RANGAP1: variants seen among roughly 807,000 people sequenced by gnomAD.
RANGAP1 encodes the protein Ran GTPase activating protein 1.
RANGAP1 carries 38 observed loss-of-function variants against 63.5 expected under a neutral mutation model. The ratio of observed to expected loss-of-function variants is 0.60; its 90% CI spans 0.46 to 0.78. RANGAP1 has a LOEUF of 0.78. RANGAP1 is among the 30% of genes least tolerant of loss of function. RANGAP1 has a pLI of 0.00. For synonymous variants in RANGAP1, 329 were observed against 310.5 expected, an observed-to-expected ratio of 1.06 and a Z score of -0.63; for missense variants, 630 against 740.3, an observed-to-expected ratio of 0.85 and a Z score of 1.73.
rs1195834792 is a variant in RANGAP1 at position 41,245,193 on chromosome 22, T to C, written c.*1410A>G. On this transcript the variant is annotated 3_prime_UTR_variant, in exon 16 of 16. Coordinates refer to ENST00000356244, the MANE Select transcript of RANGAP1 (RefSeq NM_002883.4). ...TGGCCGACTGCCAATGAGAAAATAT[T>C]GCCCTCTAAGAAACCTTGGAGGGAC... Among the ~76,000 whole-genome samples the C allele has an allele frequency of 2.6e-5, 4 of 152,288 alleles. No homozygotes were observed. In the East Asian group the frequency reaches 7.7e-4, roughly 29 times the overall value.
At position 41,261,507 on chromosome 22, in the gene RANGAP1, A is replaced by G. The variant is rs188664388; in HGVS notation, c.554T>C (p.Phe185Ser). Residue 185 changes from phenylalanine to serine, a missense_variant, in exon 6 of 16, where the codon TTT becomes TCT. Around this residue, in one of 3 missense-constraint regions of RANGAP1, gnomAD observed 137 missense variants for 214.3 expected, o/e 0.64. Transcript: ENST00000356244. ...AQGKPLALKV[F>S]VAGRNRLEND... The stretch of plus-strand genomic sequence containing the variant: ...CTCCAGACGGTTTCTGCCAGCCACA[A>G]AGACCTTCAGGGCCAGAGGCTTGCC... 1.2e-6 allele frequency: 2 copies of G among 1,614,248 alleles called. No individual in the cohort carries two copies. The highest frequency in any genetic ancestry group is 3.3e-5 in the Admixed American group (2 of 60,026).
At position 41,252,925 on chromosome 22, in the gene RANGAP1, G is replaced by C; in HGVS notation, c.1327C>G (p.Pro443Ala). The C allele has an allele frequency of 6.4e-7, 1 of 1,565,624 alleles. No individual in the cohort carries two copies. The stretch of plus-strand genomic sequence containing the variant: ...GGCCCTAGGCGCAGCAGCTTCTCTG[G>C]AGAGGGAAAAGCCAGGAAGGTGGAG... ...DVSTFLAFPSPEKLLRLGPKS... is the reference protein window; with the variant it reads ...DVSTFLAFPSAEKLLRLGPKS... Residue 443 changes from proline to alanine, a missense_variant, in exon 12 of 16, where the codon CCA becomes GCA. Pro to Ala is a conservative substitution (Grantham distance 27). This residue lies in a region of RANGAP1 where 428 missense variants were observed against 465.5 expected (regional missense o/e 0.92). Coordinates refer to ENST00000356244, the MANE Select transcript of RANGAP1 (RefSeq NM_002883.4).
At chr22:41,266,164 T>C (rs1474857081) in intron 4 of RANGAP1, among the ~76,000 whole-genome samples, 1 of 146,720 alleles carries the variant, frequency 6.8e-6, no homozygotes, top group African/African-American at 2.5e-5. Context: ...ATCGTGCCAC[T>C]GCACTCCAGC....
rs1214240898 is a variant in RANGAP1 at position 41,276,794 on chromosome 22, G to A, written c.113-2067C>T. Among the ~76,000 whole-genome samples, 3 of 151,884 alleles carry A rather than the reference G, an allele frequency of 2.0e-5. No individual in the cohort carries two copies. The East Asian group carries it at 5.8e-4, about 29-fold the overall frequency. ...AGTTCAGGAGTTCAAGAACAGCCTGGCCAACATGGTAAACCCCGTCTCTAC... is the reference window on the plus strand; with the variant it reads ...AGTTCAGGAGTTCAAGAACAGCCTGACCAACATGGTAAACCCCGTCTCTAC... On this transcript the variant is annotated intron_variant, in intron 2 of 15. Transcript: ENST00000356244.
intron 15 of RANGAP1, 139 bp downstream of exon 15, chr22:41,249,191 A>G (rs1295803494): frequency 8.1e-6 from 10 of 1,227,820 alleles, no homozygotes; most frequent in Non-Finnish European, 1.1e-5. Flanking sequence ...CCCAGGAGGC[A>G]TGAGGGCCTC....
chr22:41,281,565 C>T (rs1015148651), intron 1 of RANGAP1: 12 of 988,504 alleles, frequency 1.2e-5, no homozygotes, highest in African/African-American at 5.2e-5. Flanking sequence ...CCACCACCCA[C>T]GCTGGCATGA....
the RANGAP1 span, among the ~76,000 whole-genome samples, chr22:41,295,751 C>T: frequency 2.7e-5 from 4 of 149,848 alleles, no homozygotes; most frequent in African/African-American, 7.4e-5. Flanking sequence ...AATTACCTTC[C>T]CATCTCTTTT....
At position 41,264,670 on chromosome 22, in the gene RANGAP1, G is replaced by T; in HGVS notation, c.474C>A (p.Gly158=). Residue 158 remains glycine (G), a synonymous_variant, in exon 5 of 16, where the codon GGC becomes GGA. Transcript: ENST00000356244. ...KLNNCGMGIG[G]GKILAAALTE... Reference sequence around the variant, plus strand: ...AGGGGGCTGCCACACCCACCTTGCCGCCGCCAATGCCCATGCCACAGTTGT... The same window carrying T: ...AGGGGGCTGCCACACCCACCTTGCCTCCGCCAATGCCCATGCCACAGTTGT... 1 of 1,609,952 alleles carries T rather than the reference G, an allele frequency of 6.2e-7. No homozygotes were observed. The highest frequency in any genetic ancestry group is 1.3e-5 in the African/African-American group (1 of 75,008).
chr22:41,292,930 T>G, the RANGAP1 span, among the ~76,000 whole-genome samples: 2 of 135,230 alleles, frequency 1.5e-5, no homozygotes, highest in African/African-American at 7.4e-5. Context: ...ACAGCAAAAC[T>G]CTGTCTCTAC....
At position 41,257,797 on chromosome 22, in the gene RANGAP1, A is replaced by C; in HGVS notation, c.774+151T>G. On this transcript the variant is annotated intron_variant, in intron 7 of 15. Transcript: ENST00000356244. The surrounding 1 kb of genome is among the most constrained non-coding windows in gnomAD (Gnocchi z 4.0). ...TGGGACCTGCAACCCTGTTCAGGAC[A>C]TGTTCAAAGAGCTGGAGCCATGGGG... is the stretch of plus-strand genomic sequence containing the variant. The C allele has an allele frequency of 1.0e-6, 1 of 959,934 alleles. No individual in the cohort carries two copies. The highest frequency in any genetic ancestry group is 1.5e-6 in the Non-Finnish European group (1 of 677,450). The allele number at this position is 959,934 out of a possible 1,614,324, so 59.5% of individuals were successfully genotyped here.
chr22:41,285,601 G>A, intron 1 of RANGAP1: 2 of 985,436 alleles, frequency 2.0e-6, no homozygotes, highest in Non-Finnish European at 2.4e-6. Context: ...GGCCTGCTGG[G>A]AGGTGGCTCT....
At chr22:41,294,036 T>TTCTCCCTCTCCC in the RANGAP1 span, among the ~76,000 whole-genome samples, 1 of 151,042 alleles carries the variant, frequency 6.6e-6, no homozygotes, top group Non-Finnish European at 1.5e-5. Flanking sequence ...CTCCCTCTCC[T>TTCTCCCTCTCCC]TCTCCCTCTC....
At chr22:41,278,866 C>T (rs1480785526) in intron 2 of RANGAP1, among the ~76,000 whole-genome samples, 1 of 152,092 alleles carries the variant, frequency 6.6e-6, no homozygotes, top group African/African-American at 2.4e-5. Flanking sequence ...GGGCCGGGCA[C>T]GGTGGCTCAC....
chr22:41,277,420 G>A, intron 2 of RANGAP1: 1 of 1,157,656 alleles, frequency 8.6e-7, no homozygotes, highest in South Asian at 1.3e-5. Flanking sequence ...GAATGTTTCT[G>A]TATTCTATAA....
chr22:41,274,532 G>A, intron 3 of RANGAP1, 68 bp downstream of exon 3: 2 of 1,594,262 alleles, frequency 1.3e-6, no homozygotes, highest in Non-Finnish European at 1.7e-6. Context: ...GACACAGGCA[G>A]GGGTTGTGGA....
At position 41,249,805 on chromosome 22, in the gene RANGAP1, T is replaced by C. The variant is rs576073070; in HGVS notation, c.1496A>G (p.Gln499Arg). ...AVQDAVDALM[Q>R]KAFNSSSFNS... ...GAAGGACGAGGAGTTGAAAGCCTTC[T>C]GCATCAGGGCATCTGTAGGGCAGAA... is the stretch of plus-strand genomic sequence containing the variant. Residue 499 changes from glutamine to arginine, a missense_variant, in exon 14 of 16, where the codon CAG becomes CGG. Physicochemically the swap from Gln to Arg is conservative, Grantham distance 43. This residue lies in a region of RANGAP1 where 428 missense variants were observed against 465.5 expected (regional missense o/e 0.92). Coordinates refer to ENST00000356244, the MANE Select transcript of RANGAP1 (RefSeq NM_002883.4). 12 of 1,613,888 alleles carry C rather than the reference T, an allele frequency of 7.4e-6. No individual in the cohort carries two copies. The highest frequency in any genetic ancestry group is 1.7e-5 in the Admixed American group (1 of 60,020).
chr22:41,253,582 A>T (rs1314856315), intron 11 of RANGAP1, among the ~76,000 whole-genome samples: 1 of 152,152 alleles, frequency 6.6e-6, no homozygotes, highest in Non-Finnish European at 1.5e-5. Context: ...CAGACAAGGG[A>T]CACCAAGTGC....
In RANGAP1 at chr22:41,245,698, C is replaced by T. The variant is rs2032984147; in HGVS notation, c.*905G>A. The stretch of plus-strand genomic sequence containing the variant: ...CAAAGGGGAAAGCATGGGGCAGTCA[C>T]GGGTGCTCAGGGAGGTCATACAGCA... On this transcript the variant is annotated 3_prime_UTR_variant, in exon 16 of 16. Transcript: ENST00000356244. 1 of 152,438 alleles carries T rather than the reference C, an allele frequency of 6.6e-6. No individual in the cohort carries two copies. Among genetic ancestry groups the T allele is most frequent in the African/African-American group, 2.4e-5 (1 of 41,444 alleles). 9.4% of individuals were successfully genotyped at this position (152,438 alleles called of 1,614,324 possible).
At chr22:41,292,750 T>G in the RANGAP1 span, among the ~76,000 whole-genome samples, 1 of 151,364 alleles carries the variant, frequency 6.6e-6, no homozygotes, top group African/African-American at 2.4e-5. Context: ...CGTCTCAAAA[T>G]AAATAAATAA....
Sources: allele counts gnomAD v4.1 joint callset (sites outside exome capture counted in the v4.1 genomes callset), GRCh38; gene constraint gnomAD v4.1.1; regional missense constraint gnomAD v4.1.1; non-coding constraint Gnocchi (gnomAD v3.1); transcripts MANE v1.5; gene names NCBI Gene and HGNC (gene_info 2026-07-23, HGNC 2026-07-21).